The following INTS15 variants were observed in gnomAD, a reference collection of about 807,000 sequenced individuals.
The protein encoded by INTS15 is integrator complex subunit 15, also known as uncharacterized protein C7orf26.
chr7:6,599,915 A>G, the INTS15 span: 1 of 1,614,108 alleles, frequency 6.2e-7, no homozygotes, highest in Non-Finnish European at 8.5e-7. Flanking sequence ...CACTTTTTTA[A>G]ATACTCCGAT....
the INTS15 span, among the ~76,000 whole-genome samples, chr7:6,597,840 G>T: frequency 2.0e-5 from 3 of 152,212 alleles, no homozygotes; most frequent in Non-Finnish European, 4.4e-5. Flanking sequence ...TGAAACCGCT[G>T]TTGGGCACTT....
the INTS15 span, chr7:6,599,875 G>T: frequency 6.2e-7 from 1 of 1,614,108 alleles, no homozygotes; most frequent in African/African-American, 1.3e-5. Flanking sequence ...TTGTCACCTG[G>T]ATTTTTGAGG....
chr7:6,608,609 C>A, the INTS15 span: 1 of 787,900 alleles, frequency 1.3e-6, no homozygotes, highest in Non-Finnish European at 1.6e-6. Context: ...AGCTTATGTG[C>A]AGCACTGCTC....
the INTS15 span, among the ~76,000 whole-genome samples, chr7:6,596,275 C>T: frequency 6.0e-5 from 9 of 150,716 alleles, no homozygotes; most frequent in African/African-American, 1.5e-4. Flanking sequence ...AGGCTGGTCT[C>T]GAACTCCTGA....
At chr7:6,601,673 T>C in the INTS15 span, among the ~76,000 whole-genome samples, 14 of 151,036 alleles carry the variant, frequency 9.3e-5, no homozygotes, top group African/African-American at 3.4e-4. Context: ...TTTTTTTTTT[T>C]CGAGACAGGG....
the INTS15 span, chr7:6,607,847 C>G: frequency 2.0e-6 from 3 of 1,529,320 alleles, no homozygotes; most frequent in Non-Finnish European, 2.6e-6. This position sits in a 1 kb window ranked among gnomAD's most constrained non-coding sequence, Gnocchi z 6.0. Flanking sequence ...GTGGTCCGTG[C>G]CTGTGTCGGT....
chr7:6,599,546 C>T, the INTS15 span, among the ~76,000 whole-genome samples: 1 of 152,322 alleles, frequency 6.6e-6, no homozygotes, highest in South Asian at 2.1e-4. Flanking sequence ...TTCTCCAAAG[C>T]ATGTTGGAGT....
At chr7:6,608,127 C>G in the INTS15 span, 1 of 1,415,012 alleles carries the variant, frequency 7.1e-7, no homozygotes, top group Non-Finnish European at 9.5e-7. Context: ...ACCTTCATCT[C>G]CGGCGTGACC....
the INTS15 span, chr7:6,607,478 C>T: frequency 1.6e-6 from 2 of 1,258,060 alleles, no homozygotes; most frequent in Non-Finnish European, 2.1e-6. This position sits in a 1 kb window ranked among gnomAD's most constrained non-coding sequence, Gnocchi z 6.0. Flanking sequence ...TCTGTAACGG[C>T]TGGGTCCAGG....
chr7:6,592,000 T>C, the INTS15 span: 13 of 706,714 alleles, frequency 1.8e-5, no homozygotes, highest in Admixed American at 2.8e-5. Context: ...GGCGAAATCA[T>C]GTCTCTACTA....
At chr7:6,591,837 G>A in the INTS15 span, 8 of 1,613,906 alleles carry the variant, frequency 5.0e-6, no homozygotes, top group Admixed American at 3.3e-5. Flanking sequence ...GTCGAATCCC[G>A]GTGTTGGAGT....
the INTS15 span, among the ~76,000 whole-genome samples, chr7:6,598,614 G>A: frequency 6.6e-6 from 1 of 152,134 alleles, no homozygotes; most frequent in African/African-American, 2.4e-5. Context: ...GAGAGAGGGG[G>A]CTGAGGACGC....
chr7:6,605,823 C>T, the INTS15 span, among the ~76,000 whole-genome samples: 2 of 152,258 alleles, frequency 1.3e-5, no homozygotes, highest in South Asian at 2.1e-4. Flanking sequence ...CTCAGCCTCC[C>T]GGATAGCTGG....
At chr7:6,598,780 TGTGTG>T in the INTS15 span, among the ~76,000 whole-genome samples, 1 of 97,662 alleles carries the variant, frequency 1.0e-5, no homozygotes, top group African/African-American at 6.5e-5. Context: ...TGTGTGTGTG[TGTGTG>T]TATTTTTTTT....
chr7:6,593,133 G>A, the INTS15 span, among the ~76,000 whole-genome samples: 6 of 152,202 alleles, frequency 3.9e-5, no homozygotes, highest in Admixed American at 6.5e-5. Flanking sequence ...AGAGCTGGCA[G>A]ATGTTTTATG....
chr7:6,592,566 CA>C, the INTS15 span, among the ~76,000 whole-genome samples: 3 of 140,562 alleles, frequency 2.1e-5, no homozygotes, highest in African/African-American at 7.8e-5. Context: ...GACTCAGTCT[CA>C]AAAAAAAAAC....
At chr7:6,600,445 T>C in the INTS15 span, 2 of 1,359,206 alleles carry the variant, frequency 1.5e-6, no homozygotes, top group Non-Finnish European at 9.8e-7. Context: ...ACACTGTTTT[T>C]GCTTCATTTA....
At chr7:6,606,277 T>A in the INTS15 span, among the ~76,000 whole-genome samples, 1 of 152,220 alleles carries the variant, frequency 6.6e-6, no homozygotes, top group East Asian at 1.9e-4. Context: ...ACCCTCTGTT[T>A]ACTGCCTCAG....
the INTS15 span, chr7:6,590,181 CCA>C: frequency 9.1e-7 from 1 of 1,093,304 alleles, no homozygotes; most frequent in Non-Finnish European, 1.2e-6. Flanking sequence ...GTGCCGCAGC[CCA>C]GGCCCGGGTC....
Sources: allele counts gnomAD v4.1 joint callset (sites outside exome capture counted in the v4.1 genomes callset), GRCh38; gene constraint gnomAD v4.1.1; non-coding constraint Gnocchi (gnomAD v3.1); transcripts MANE v1.5; gene names NCBI Gene and HGNC (gene_info 2026-07-23, HGNC 2026-07-21).